Variants in SLC15A3 observed in about 807,000 individuals in gnomAD.
SLC15A3 encodes the protein solute carrier family 15 member 3.
In SLC15A3, 39 loss-of-function variants were observed where a neutral mutation model predicts 49.2. That is an observed-to-expected ratio of 0.79 (90% CI 0.61 to 1.04). The LOEUF (loss-of-function observed/expected upper bound fraction) is 1.04, where lower values mean the gene tolerates loss of function less well. Ranked by LOEUF, SLC15A3 falls within the 50% of genes least tolerant of loss-of-function variation. The pLI is 0.00. For synonymous variants in SLC15A3, 339 were observed against 367.0 expected (o/e 0.92, Z 0.87); for missense variants, 758 against 794.8 (o/e 0.95, Z 0.56).
At position 60,951,146 on chromosome 11, in the gene SLC15A3, C is replaced by T; in HGVS notation, c.406G>A (p.Ala136Thr). 1 of 1,487,322 alleles carries T rather than the reference C, an allele frequency of 6.7e-7. No individual in the cohort carries two copies. Among genetic ancestry groups the T allele is most frequent in the Non-Finnish European group, 8.9e-7 (1 of 1,127,870 alleles). The allele number at this position is 1,487,322 out of a possible 1,614,324, so 92.1% of individuals were successfully genotyped here. ...GRSSFCGEMP[A>T]SPLGPACPSA... Reference sequence around the variant, plus strand: ...GGGCAGGCAGGTCCCAGCGGCGACGCGGGCATCTCTCCGCAGAAGGAGCTG... The same window carrying T: ...GGGCAGGCAGGTCCCAGCGGCGACGTGGGCATCTCTCCGCAGAAGGAGCTG... Residue 136 changes from alanine (A) to threonine (T), a missense_variant, in exon 1 of 8, where the codon GCG becomes ACG. Physicochemically the swap from Ala to Thr is moderately conservative, Grantham distance 58. Around this residue, in one of 3 missense-constraint regions of SLC15A3, gnomAD observed 699 missense variants for 706.7 expected, o/e 0.99. Coordinates refer to ENST00000227880, the MANE Select transcript of SLC15A3 (RefSeq NM_016582.3).
rs752386962 is a variant in SLC15A3, at chr11:60,942,063, G to T, written c.1079C>A (p.Ala360Asp). Reference protein sequence around the residue: ...FPANPANISVALRAQGSSYTI... With the variant: ...FPANPANISVDLRAQGSSYTI... ...GTAGCTGCTGCCCTGGGCTCTCAGG[G>T]CCACAGAGATGTTGGCCGGGTTGGC... The change falls in exon 4 of 8, where the codon GCC (alanine) becomes GAC (aspartate). Residue 360 changes from alanine (A) to aspartate (D), a missense_variant. Physicochemically the swap from Ala to Asp is moderately radical, Grantham distance 126. This residue lies in a region of SLC15A3 where 699 missense variants were observed against 706.7 expected (regional missense o/e 0.99). Coordinates refer to ENST00000227880, the MANE Select transcript of SLC15A3 (RefSeq NM_016582.3). 4 of 1,614,136 alleles carry T rather than the reference G, an allele frequency of 2.5e-6. No individual in the cohort carries two copies. The highest frequency in any genetic ancestry group is 2.5e-6 in the Non-Finnish European group (3 of 1,179,994).
chr11:60,947,449 GATTA>G (rs1323092581), intron 1 of SLC15A3, among the ~76,000 whole-genome samples: 27 of 152,214 alleles, frequency 1.8e-4, no homozygotes, highest in Non-Finnish European at 3.1e-4. Context: ...AAAGTTCTGG[GATTA>G]CAGGCGTGAG....
intron 5 of SLC15A3, chr11:60,939,924 T>A: frequency 2.8e-6 from 1 of 358,230 alleles, no homozygotes; most frequent in Non-Finnish European, 5.1e-6. Context: ...TTACCATGCA[T>A]CCTTGCTGCG....
chr11:60,937,197 A>G lies in SLC15A3; in HGVS notation c.*22T>C, dbSNP rs775950852. 3 of 1,604,682 alleles carry G rather than the reference A, an allele frequency of 1.9e-6. No individual in the cohort carries two copies. Among genetic ancestry groups the G allele is most frequent in the South Asian group, 1.1e-5 (1 of 90,834 alleles). ...GCCGTCTGTCCGGTAGAGTGAAGCA[A>G]GGGGGCTGGAATAGGGCCTGTTCAG... is the stretch of plus-strand genomic sequence containing the variant. On this transcript the variant is annotated 3_prime_UTR_variant, in exon 8 of 8. Transcript: ENST00000227880.
chr11:60,947,311 C>G (rs1029388076), intron 1 of SLC15A3, among the ~76,000 whole-genome samples: 54 of 152,192 alleles, frequency 3.5e-4, no homozygotes, highest in Middle Eastern at 3.4e-3. Context: ...TCCTGAGTAG[C>G]TGGGACTACA....
chr11:60,943,876 G>C, intron 2 of SLC15A3, 40 bp from the exon 3 acceptor site: 6 of 1,454,430 alleles, frequency 4.1e-6, no homozygotes, highest in Non-Finnish European at 5.5e-6. Context: ...CAACAGTCAA[G>C]GCTGGGCTTG....
chr11:60,951,686 C>A lies in SLC15A3; in HGVS notation c.-135G>T. The stretch of plus-strand genomic sequence containing the variant: ...GGCCCTCCTTTCTCACCGCTTTGGC[C>A]CACCCTTCCCTCCTGTCCCCTCTCC... On this transcript the variant is annotated 5_prime_UTR_variant, in exon 1 of 8. Coordinates refer to ENST00000227880, the MANE Select transcript of SLC15A3 (RefSeq NM_016582.3). The A allele has an allele frequency of 1.6e-6, 1 of 615,192 alleles. No homozygotes were observed. Among genetic ancestry groups the A allele is most frequent in the South Asian group, 7.3e-5 (1 of 13,674 alleles). 38.1% of individuals were successfully genotyped at this position (615,192 alleles called of 1,614,324 possible).
chr11:60,938,106 A>C (rs1175025334), intron 6 of SLC15A3, 81 bp from the exon 7 acceptor site: 11 of 1,481,954 alleles, frequency 7.4e-6, no homozygotes, highest in Middle Eastern at 2.5e-4. Context: ...GCTGCCCCTG[A>C]CCCTGCCCCC....
At chr11:60,938,786 A>G (rs1469526006) in intron 6 of SLC15A3, among the ~76,000 whole-genome samples, 1 of 152,072 alleles carries the variant, frequency 6.6e-6, no homozygotes, top group Non-Finnish European at 1.5e-5. Context: ...CTCCATGCTT[A>G]AGGGCTCCCA....
At position 60,937,134 on chromosome 11, in the gene SLC15A3, C is replaced by A; in HGVS notation, c.*85G>T. Reference sequence around the variant, plus strand: ...ATTTATGGGAACCATTTCATTCTAACAGAATAAACCGAGAAGGAAACCAGA... The same window carrying A: ...ATTTATGGGAACCATTTCATTCTAAAAGAATAAACCGAGAAGGAAACCAGA... On this transcript the variant is annotated 3_prime_UTR_variant, in exon 8 of 8. Coordinates refer to ENST00000227880, the MANE Select transcript of SLC15A3 (RefSeq NM_016582.3). 1 of 1,526,040 alleles carries A rather than the reference C, an allele frequency of 6.6e-7. No individual in the cohort carries two copies. The allele number at this position is 1,526,040 out of a possible 1,614,324, so 94.5% of individuals were successfully genotyped here.
intron 3 of SLC15A3, chr11:60,942,964 A>G (rs1373429855): frequency 1.3e-5 from 2 of 151,442 alleles, no homozygotes; most frequent in African/African-American, 2.4e-5. Context: ...ACACACACAC[A>G]CACACACACA....
chr11:60,943,009 A>G (rs995395227), intron 3 of SLC15A3: 3 of 150,908 alleles, frequency 2.0e-5, no homozygotes, highest in African/African-American at 7.4e-5. Context: ...TAACCTCCCC[A>G]CTGAGGAGTA....
At position 60,951,554 on chromosome 11, in the gene SLC15A3, TGGCTCCGGGCTGGGCCCCCCGC is replaced by T; in HGVS notation, c.-25_-4del. On this transcript the variant is annotated 5_prime_UTR_variant, in exon 1 of 8. Transcript: ENST00000227880. ...TCCCGGGCGCGCGGCGCGGGCATCC[TGGCTCCGGGCTGGGCCCCCCGC>T]GGCTCTTCTCTCCTCTCCTCTCCCC... 8.8e-7 allele frequency: 1 copy of T among 1,134,104 alleles called. No individual in the cohort carries two copies. Among genetic ancestry groups the T allele is most frequent in the East Asian group, 4.3e-5 (1 of 23,334 alleles). The allele number at this position is 1,134,104 out of a possible 1,614,324, so 70.3% of individuals were successfully genotyped here.
At chr11:60,949,511 A>AGAAG (rs1856866488) in intron 1 of SLC15A3, among the ~76,000 whole-genome samples, 1 of 63,120 alleles carries the variant, frequency 1.6e-5, no homozygotes, top group East Asian at 9.1e-4. Context: ...AAGGAAAGAA[A>AGAAG]GAAAGAAAGA....
Position 60,951,334 on chromosome 11 carries a change from G to A in SLC15A3, c.218C>T (p.Thr73Met). Residue 73 changes from threonine to methionine, a missense_variant, in exon 1 of 8, where the codon ACG becomes ATG. Physicochemically the swap from Thr to Met is moderately conservative, Grantham distance 81 (BLOSUM62 -1). Around this residue, in one of 3 missense-constraint regions of SLC15A3, gnomAD observed 699 missense variants for 706.7 expected, o/e 0.99. Transcript: ENST00000227880. ...GCCCAGGAATACCAGCGCGGCGCGC[G>A]TCGCCTGCTCGCCGGTCCAGTTGAA... is the stretch of plus-strand genomic sequence containing the variant. ...TNFNWTGEQATRAALVFLGAS... is the reference protein window; with the variant it reads ...TNFNWTGEQAMRAALVFLGAS... The A allele has an allele frequency of 1.3e-6, 2 of 1,539,384 alleles. No individual in the cohort carries two copies. The highest frequency in any genetic ancestry group is 2.0e-5 in the Admixed American group (1 of 51,068).
intron 6 of SLC15A3, 50 bp downstream of exon 6, chr11:60,939,430 C>T (rs575567412): frequency 7.5e-6 from 12 of 1,598,984 alleles, no homozygotes; most frequent in Middle Eastern, 1.8e-4. Flanking sequence ...GAGGTGCCAC[C>T]GGGCAGAGCC....
Position 60,943,726 on chromosome 11 carries a change from A to G in SLC15A3, c.959T>C (p.Met320Thr). 1 of 1,601,864 alleles carries G rather than the reference A, an allele frequency of 6.2e-7. No individual in the cohort carries two copies. Among genetic ancestry groups the G allele is most frequent in the South Asian group, 1.1e-5 (1 of 89,144 alleles). ...CATCCAGTAGGGCACCAGGGTCACCATGACGGGCAAGATCTTCACCAGCAC... is the reference window on the plus strand; with the variant it reads ...CATCCAGTAGGGCACCAGGGTCACCGTGACGGGCAAGATCTTCACCAGCAC... The part of the protein sequence containing the change: ...FQVLVKILPV[M>T]VTLVPYWMVY... Residue 320 changes from methionine (M) to threonine (T), a missense_variant, in exon 3 of 8, where the codon ATG becomes ACG. Physicochemically the swap from Met to Thr is moderately conservative, Grantham distance 81. Around this residue, in one of 3 missense-constraint regions of SLC15A3, gnomAD observed 699 missense variants for 706.7 expected, o/e 0.99. Coordinates refer to ENST00000227880, the MANE Select transcript of SLC15A3 (RefSeq NM_016582.3).
chr11:60,943,052 C>A (rs1313580576), intron 3 of SLC15A3: 1 of 152,196 alleles, frequency 6.6e-6, no homozygotes, highest in Admixed American at 6.5e-5. Context: ...GTTCTCAACT[C>A]TGAGTATCTG....
intron 4 of SLC15A3, 61 bp downstream of exon 4, chr11:60,941,974 C>T: frequency 1.3e-6 from 2 of 1,506,594 alleles, no homozygotes; most frequent in South Asian, 1.1e-5. Flanking sequence ...ATTTCCTCCT[C>T]TTCTCAGAGG....
Sources: allele counts gnomAD v4.1 joint callset (sites outside exome capture counted in the v4.1 genomes callset), GRCh38; gene constraint gnomAD v4.1.1; regional missense constraint gnomAD v4.1.1; transcripts MANE v1.5; gene names NCBI Gene and HGNC (gene_info 2026-07-23, HGNC 2026-07-21).